COL25A1: variants seen among roughly 807,000 people sequenced by gnomAD.
COL25A1 encodes collagen alpha-1(XXV) chain.
COL25A1 carries 103 observed loss-of-function variants against 128.4 expected under a neutral mutation model. That is an observed-to-expected ratio of 0.80 (90% CI 0.68 to 0.94). The LOEUF is 0.94. Among genes scored for constraint, COL25A1 ranks in the 40% least tolerant of loss-of-function variants. COL25A1 has a pLI of 0.00. For synonymous variants in COL25A1, 279 were observed against 277.2 expected, an observed-to-expected ratio of 1.01 and a Z score of -0.06; for missense variants, 745 against 840.0, an observed-to-expected ratio of 0.89 and a Z score of 1.40.
intron 5 of COL25A1, among the ~76,000 whole-genome samples, chr4:109,038,716 A>G (rs898288925): frequency 1.1e-4 from 17 of 152,188 alleles, no homozygotes; most frequent in Non-Finnish European, 2.5e-4. Context: ...TAGCTGTCTT[A>G]CCAATAGCTC....
chr4:108,845,047 T>C (rs746860082), intron 29 of COL25A1, 142 bp downstream of exon 29: 9 of 757,700 alleles, frequency 1.2e-5, no homozygotes, highest in Non-Finnish European at 1.6e-5. Context: ...CTGACGGATG[T>C]TTCTTCTACA....
chr4:109,134,866 A>G (rs1769559198), intron 3 of COL25A1, among the ~76,000 whole-genome samples: 1 of 152,152 alleles, frequency 6.6e-6, no homozygotes, highest in Non-Finnish European at 1.5e-5. Flanking sequence ...AGTCATCAGA[A>G]TATAGATGAT....
At chr4:109,288,962 T>TATACACACACACACAC (rs1021982305) in intron 3 of COL25A1, among the ~76,000 whole-genome samples, 1 of 133,606 alleles carries the variant, frequency 7.5e-6, no homozygotes, top group African/African-American at 2.8e-5. Context: ...AAATTATATA[T>TATACACACACACACAC]ACACACACAC....
intron 3 of COL25A1, among the ~76,000 whole-genome samples, chr4:109,236,903 A>G (rs1250558456): frequency 6.6e-6 from 1 of 152,052 alleles, no homozygotes; most frequent in South Asian, 2.1e-4. Context: ...CTCCTCTAAA[A>G]AAAAATTGTT....
At chr4:109,086,906 T>C (rs1764443416) in intron 3 of COL25A1, among the ~76,000 whole-genome samples, 1 of 152,166 alleles carries the variant, frequency 6.6e-6, no homozygotes, top group Non-Finnish European at 1.5e-5. Flanking sequence ...AATAAGTTCA[T>C]TGATAGGACT....
intron 3 of COL25A1, among the ~76,000 whole-genome samples, chr4:109,271,646 T>C (rs1782205837): frequency 6.6e-6 from 1 of 152,240 alleles, no homozygotes; most frequent in Non-Finnish European, 1.5e-5. Flanking sequence ...CTATGAACTA[T>C]GCAGAAGAGA....
intron 8 of COL25A1, among the ~76,000 whole-genome samples, chr4:108,953,727 A>G (rs1240269070): frequency 6.6e-6 from 1 of 152,170 alleles, no homozygotes; most frequent in African/African-American, 2.4e-5. Context: ...TAAATGCTTC[A>G]GATTTTGATG....
chr4:109,171,095 T>C (rs532180164), intron 3 of COL25A1, among the ~76,000 whole-genome samples: 4 of 152,164 alleles, frequency 2.6e-5, no homozygotes, highest in African/African-American at 7.2e-5. Context: ...CTGTTATCCA[T>C]TGAATCCTAG....
At chr4:109,023,916 G>T (rs530165041) in intron 5 of COL25A1, among the ~76,000 whole-genome samples, 1 of 152,148 alleles carries the variant, frequency 6.6e-6, no homozygotes, top group African/African-American at 2.4e-5. Flanking sequence ...TGATAACCCT[G>T]TTGCTGCAAG....
At chr4:108,840,484 A>G (rs931819036) in intron 31 of COL25A1, among the ~76,000 whole-genome samples, 1 of 152,080 alleles carries the variant, frequency 6.6e-6, no homozygotes, top group Admixed American at 6.5e-5. Context: ...GCATGAACAC[A>G]TTCTTGGGTG....
At chr4:109,145,393 T>C (rs1404771637) in intron 3 of COL25A1, among the ~76,000 whole-genome samples, 5 of 152,336 alleles carry the variant, frequency 3.3e-5, no homozygotes, top group East Asian at 3.9e-4. Context: ...CTAAATGATA[T>C]AGCCACATTC....
intron 3 of COL25A1, among the ~76,000 whole-genome samples, chr4:109,209,883 T>A (rs1185545090): frequency 6.6e-6 from 1 of 151,946 alleles, no homozygotes; most frequent in African/African-American, 2.4e-5. Flanking sequence ...TGAAAACCCA[T>A]CAACTAAAAA....
chr4:108,840,269 A>G (rs1734293752), intron 31 of COL25A1, among the ~76,000 whole-genome samples: 1 of 147,140 alleles, frequency 6.8e-6, no homozygotes, highest in Non-Finnish European at 1.5e-5. Context: ...AAAATCCATG[A>G]GTAGGAAGCA....
chr4:108,898,079 G>A (rs1372896045), intron 15 of COL25A1, among the ~76,000 whole-genome samples: 1 of 152,128 alleles, frequency 6.6e-6, no homozygotes, highest in African/African-American at 2.4e-5. Context: ...AGGGATCTTT[G>A]ATAGGCAGTT....
intron 35 of COL25A1, chr4:108,819,938 TG>T: frequency 1.0e-6 from 1 of 977,910 alleles, no homozygotes; most frequent in Non-Finnish European, 1.3e-6. Context: ...AAATTTTATT[TG>T]GGGGAAAATA....
At chr4:109,198,254 A>G (rs1776279200) in intron 3 of COL25A1, among the ~76,000 whole-genome samples, 1 of 151,374 alleles carries the variant, frequency 6.6e-6, no homozygotes, top group African/African-American at 2.4e-5. Context: ...CCTGAACAGT[A>G]AAGTCACCTT....
At position 109,106,011 on chromosome 4, in the gene COL25A1, T is replaced by C. The variant is rs3113708; in HGVS notation, c.368-55832A>G. On this transcript the variant is annotated intron_variant, in intron 3 of 37. Coordinates refer to ENST00000399132, the MANE Select transcript of COL25A1 (RefSeq NM_198721.4). The stretch of plus-strand genomic sequence containing the variant: ...TTATTAAGGATGTCAGACACCATCC[T>C]CTATTACATTTAGTGAATGAACTAC... Among the ~76,000 whole-genome samples, 100 of 152,362 alleles carry C rather than the reference T, an allele frequency of 6.6e-4. 1 individual carries two copies. The highest frequency in any genetic ancestry group is 2.3e-3 in the African/African-American group (95 of 41,578).
chr4:109,254,216 T>C (rs1426749421), intron 3 of COL25A1, among the ~76,000 whole-genome samples: 1 of 151,788 alleles, frequency 6.6e-6, no homozygotes, highest in Admixed American at 6.6e-5. Context: ...ATTGTATTTC[T>C]TAATCACTAA....
chr4:109,286,495 TC>T (rs555408153), intron 3 of COL25A1, among the ~76,000 whole-genome samples: 217 of 152,304 alleles, frequency 1.4e-3, no homozygotes, highest in African/African-American at 5.1e-3. Flanking sequence ...CATTTCCTGT[TC>T]TTCTAAGAGA....
Sources: allele counts gnomAD v4.1 joint callset (sites outside exome capture counted in the v4.1 genomes callset), GRCh38; gene constraint gnomAD v4.1.1; transcripts MANE v1.5; gene names NCBI Gene and HGNC (gene_info 2026-07-23, HGNC 2026-07-21).